SERINC5: variants seen among roughly 807,000 people sequenced by gnomAD.
SERINC5 encodes serine incorporator 5, also known as chromosome 5 open reading frame 12.
SERINC5 carries 41 observed loss-of-function variants against 63.1 expected under a neutral mutation model. The observed-to-expected ratio is 0.65, with a 90% CI of 0.51 to 0.84. The LOEUF (loss-of-function observed/expected upper bound fraction) is 0.84. Among genes scored for constraint, SERINC5 ranks in the 40% least tolerant of loss-of-function variants. SERINC5 has a pLI of 0.00. For synonymous variants in SERINC5, 222 were observed against 215.2 expected (o/e 1.03, Z -0.28); for missense variants, 523 against 573.0 (o/e 0.91, Z 0.89).
intron 1 of SERINC5, among the ~76,000 whole-genome samples, chr5:80,250,581 C>A (rs574921105): frequency 6.6e-6 from 1 of 152,328 alleles, no homozygotes; most frequent in South Asian, 2.1e-4. Context: ...CCACCTGAGC[C>A]TCCCAAAGTG....
intron 8 of SERINC5, among the ~76,000 whole-genome samples, chr5:80,152,491 C>CAAA (rs199692612): frequency 5.0e-5 from 5 of 100,066 alleles, no homozygotes; most frequent in Non-Finnish European, 1.1e-4. Flanking sequence ...GACCCTGTCT[C>CAAA]AAAAAAAAAA....
chr5:80,205,895 A>C (rs1750129934), intron 1 of SERINC5, among the ~76,000 whole-genome samples: 1 of 150,966 alleles, frequency 6.6e-6, no homozygotes, highest in Non-Finnish European at 1.5e-5. Flanking sequence ...AACATGGTGA[A>C]ACCTCGTCTC....
chr5:80,255,928 C>T lies in SERINC5; in HGVS notation c.-6G>A. On this transcript the variant is annotated 5_prime_UTR_variant, in exon 1 of 12. Coordinates refer to ENST00000507668, the MANE Select transcript of SERINC5 (RefSeq NM_001174072.3). ...GCACAGCACTGAGCTGACATCGCGG[C>T]GGCCAATGCCGAAGGCGCGCTCGCT... 6.4e-7 allele frequency: 1 copy of T among 1,553,518 alleles called. No individual in the cohort carries two copies. The highest frequency in any genetic ancestry group is 1.2e-5 in the South Asian group (1 of 85,422).
chr5:80,235,283 G>A (rs1171435539), intron 1 of SERINC5, among the ~76,000 whole-genome samples: 1 of 152,134 alleles, frequency 6.6e-6, no homozygotes, highest in Admixed American at 6.6e-5. Context: ...CTTTATTAAG[G>A]CTGTATAATA....
chr5:80,188,280 C>T lies in SERINC5; in HGVS notation c.196-10216G>A, dbSNP rs572949798. Among the ~76,000 whole-genome samples, 5 of 70,528 alleles carry T rather than the reference C, an allele frequency of 7.1e-5. No individual in the cohort carries two copies. The South Asian group carries it at 1.8e-3, about 25-fold the overall frequency. The allele number at this position is 70,528 out of a possible 152,430, so 46.3% of individuals were successfully genotyped here. A position where few individuals can be genotyped will look rare whatever the true frequency, so the allele number is the denominator to read the frequency against. ...CCTGGGCGACAGAGCAAGACTCCGT[C>T]TCAAAAAAAAAAAAAAAAAAAAAAA... is the stretch of plus-strand genomic sequence containing the variant. On this transcript the variant is annotated intron_variant, in intron 2 of 11. Coordinates refer to ENST00000507668, the MANE Select transcript of SERINC5 (RefSeq NM_001174072.3).
intron 2 of SERINC5, among the ~76,000 whole-genome samples, chr5:80,185,331 C>A (rs1229554504): frequency 6.6e-6 from 1 of 152,200 alleles, no homozygotes; most frequent in Non-Finnish European, 1.5e-5. Flanking sequence ...TACACACATA[C>A]ACACCCTGAG....
chr5:80,254,689 TTC>T (rs1752570121), intron 1 of SERINC5, among the ~76,000 whole-genome samples: 1 of 152,220 alleles, frequency 6.6e-6, no homozygotes, highest in Non-Finnish European at 1.5e-5. Flanking sequence ...ACCATTCTCA[TTC>T]TCTTTCTCTC....
intron 1 of SERINC5, among the ~76,000 whole-genome samples, chr5:80,232,335 T>G (rs921457508): frequency 6.7e-6 from 1 of 149,304 alleles, no homozygotes; most frequent in Non-Finnish European, 1.5e-5. Context: ...ACCCGGGATG[T>G]GGAGCTTGCA....
Position 80,139,932 on chromosome 5 carries a change from G to T in SERINC5, c.*3731C>A. On this transcript the variant is annotated 3_prime_UTR_variant, in exon 12 of 12. Coordinates refer to ENST00000507668, the MANE Select transcript of SERINC5 (RefSeq NM_001174072.3). ...ATACTATTTGGAAAGGCAATAAAGG[G>T]AGTGTAAAAGCCTAGGTAGCTTAAA... 1.3e-5 allele frequency: 13 copies of T among 985,440 alleles called. No homozygotes were observed. Among genetic ancestry groups the T allele is most frequent in the Non-Finnish European group, 1.6e-5 (13 of 829,928 alleles). 61.0% of individuals were successfully genotyped at this position (985,440 alleles called of 1,614,324 possible).
chr5:80,254,785 A>G (rs1199314719), intron 1 of SERINC5, among the ~76,000 whole-genome samples: 1 of 152,194 alleles, frequency 6.6e-6, no homozygotes, highest in East Asian at 1.9e-4. Flanking sequence ...GCCAGCTTTA[A>G]TGTATGCCAA....
At chr5:80,228,319 G>A (rs1415685555) in intron 1 of SERINC5, among the ~76,000 whole-genome samples, 1 of 147,602 alleles carries the variant, frequency 6.8e-6, no homozygotes, top group African/African-American at 2.5e-5. Context: ...GGGAGAGGAG[G>A]AAGGAAGGAA....
At chr5:80,252,009 C>G (rs1034732246) in intron 1 of SERINC5, among the ~76,000 whole-genome samples, 2 of 116,168 alleles carry the variant, frequency 1.7e-5, no homozygotes, top group African/African-American at 6.2e-5. Flanking sequence ...TCCAAGCACA[C>G]ACCTCACTTC....
At position 80,146,417 on chromosome 5, in the gene SERINC5, C is replaced by T. The variant is rs114540039; in HGVS notation, c.1094-183G>A. Among the ~76,000 whole-genome samples, 499 of 152,198 alleles carry T rather than the reference C, an allele frequency of 3.3e-3. 5 individuals carry two copies. The highest frequency in any genetic ancestry group is 0.011 in the African/African-American group (464 of 41,464). ...ACCCCCACTCCACCCTAGCAACTTC[C>T]GTAACAGGAAGAGTTACCTAATGCC... On this transcript the variant is annotated intron_variant, in intron 10 of 11. Coordinates refer to ENST00000507668, the MANE Select transcript of SERINC5 (RefSeq NM_001174072.3).
intron 1 of SERINC5, among the ~76,000 whole-genome samples, chr5:80,219,312 T>C (rs144249173): frequency 6.6e-6 from 1 of 152,348 alleles, no homozygotes; most frequent in Non-Finnish European, 1.5e-5. Flanking sequence ...GAGTAACAGC[T>C]GCACTGTTTT....
intron 5 of SERINC5, among the ~76,000 whole-genome samples, chr5:80,173,684 C>T (rs749650516): frequency 1.3e-5 from 2 of 152,102 alleles, no homozygotes; most frequent in Non-Finnish European, 2.9e-5. Flanking sequence ...CCCACCTCCA[C>T]CCAGAGCTGG....
chr5:80,217,238 C>T (rs940150668), intron 1 of SERINC5, among the ~76,000 whole-genome samples: 3 of 152,070 alleles, frequency 2.0e-5, no homozygotes, highest in African/African-American at 7.2e-5. Flanking sequence ...AAACCCTGCT[C>T]GTTCTACTTT....
intron 11 of SERINC5, among the ~76,000 whole-genome samples, chr5:80,123,577 T>A (rs1040207540): frequency 6.6e-6 from 1 of 152,186 alleles, no homozygotes; most frequent in Non-Finnish European, 1.5e-5. Flanking sequence ...GAATGTGACA[T>A]AGTCTGGGCA....
Position 80,203,067 on chromosome 5 carries a change from A to C in SERINC5, c.28-14T>G, listed in dbSNP as rs183393594. ...GCAGCAGGCCAGCTAGAAAAGGAAC[A>C]GAAGGCATCTGCTTAGAGCATGATA... On this transcript the variant is annotated splice_polypyrimidine_tract_variant and intron_variant, in intron 1 of 11. Transcript: ENST00000507668. 9.0e-5 allele frequency: 143 copies of C among 1,593,242 alleles called. 1 individual carries two copies. The East Asian group carries it at 3.2e-3, about 36-fold the overall frequency.
rs181239757 is a variant in SERINC5 at position 80,130,254 on chromosome 5, C to G, written c.1238+15836G>C. 5.3e-3 allele frequency among the ~76,000 whole-genome samples: 801 copies of G among 152,148 alleles called. 4 individuals carry two copies. The highest frequency in any genetic ancestry group is 0.011 in the South Asian group (52 of 4,814). ...AACTAGCCGGGCCTGGTGGCAGGCACCTGTAATCCCAGCTACTCGGGAGGC... is the reference window on the plus strand; with the variant it reads ...AACTAGCCGGGCCTGGTGGCAGGCAGCTGTAATCCCAGCTACTCGGGAGGC... On this transcript the variant is annotated intron_variant, in intron 11 of 12. Transcript: ENST00000509193.
Sources: allele counts gnomAD v4.1 joint callset (sites outside exome capture counted in the v4.1 genomes callset), GRCh38; gene constraint gnomAD v4.1.1; transcripts MANE v1.5; gene names NCBI Gene and HGNC (gene_info 2026-07-23, HGNC 2026-07-21).